The following SRBD1 variants were observed in gnomAD, a reference collection of about 807,000 sequenced individuals.
SRBD1 encodes S1 RNA binding domain 1, also known as S1 RNA-binding domain-containing protein 1.
A neutral mutation model predicts 115.3 loss-of-function variants in SRBD1; 88 were observed. The observed-to-expected ratio is 0.76, with a 90% CI of 0.64 to 0.91. The LOEUF is 0.91. SRBD1 is among the 40% of genes least tolerant of loss of function. The pLI is 0.00. For missense variants in SRBD1, 1,385 were observed against 1,177.4 expected, an observed-to-expected ratio of 1.18 and a Z score of -2.58; for synonymous variants, 509 against 407.7, an observed-to-expected ratio of 1.25 and a Z score of -2.99.
chr2:45,399,381 C>T (rs912696355), intron 19 of SRBD1, among the ~76,000 whole-genome samples: 4 of 152,082 alleles, frequency 2.6e-5, no homozygotes, highest in Non-Finnish European at 4.4e-5. Flanking sequence ...TAGTCTTCCG[C>T]TTGTATCTGC....
chr2:45,607,659 A>G (rs1353586430), intron 1 of SRBD1, among the ~76,000 whole-genome samples: 3 of 152,208 alleles, frequency 2.0e-5, no homozygotes, highest in Non-Finnish European at 4.4e-5. Context: ...GCAGTAGCTG[A>G]TACCTTTGGA....
chr2:45,420,187 T>C (rs1019167284), intron 16 of SRBD1, among the ~76,000 whole-genome samples: 1 of 152,242 alleles, frequency 6.6e-6, no homozygotes, highest in Non-Finnish European at 1.5e-5. Context: ...TAAAATCACC[T>C]GTATGGCTTG....
At chr2:45,458,531 T>C (rs1669219735) in intron 16 of SRBD1, among the ~76,000 whole-genome samples, 1 of 152,160 alleles carries the variant, frequency 6.6e-6, no homozygotes, top group Non-Finnish European at 1.5e-5. Flanking sequence ...GACAACTTTA[T>C]TTCCTTTCAC....
chr2:45,487,569 C>A (rs1276507433), intron 15 of SRBD1, among the ~76,000 whole-genome samples: 1 of 152,032 alleles, frequency 6.6e-6, no homozygotes, highest in Admixed American at 6.6e-5. Flanking sequence ...TTTTATGTTA[C>A]TGTATTACTT....
At chr2:45,420,608 A>G (rs1183801059) in intron 16 of SRBD1, among the ~76,000 whole-genome samples, 1 of 152,356 alleles carries the variant, frequency 6.6e-6, no homozygotes, top group Non-Finnish European at 1.5e-5. Flanking sequence ...AGAAAATATA[A>G]GCAATCTAAA....
At chr2:45,558,686 T>A (rs900325516) in intron 10 of SRBD1, among the ~76,000 whole-genome samples, 27 of 71,254 alleles carry the variant, frequency 3.8e-4, no homozygotes, top group Non-Finnish European at 1.8e-4. Flanking sequence ...CACACAATTA[T>A]TTTTTTTTTT....
intron 15 of SRBD1, among the ~76,000 whole-genome samples, chr2:45,485,816 C>T (rs948812492): frequency 6.6e-6 from 1 of 151,990 alleles, no homozygotes; most frequent in Non-Finnish European, 1.5e-5. Flanking sequence ...GCATCAATCA[C>T]CAGGAAAAAG....
At chr2:45,421,035 A>T (rs1448326153) in intron 16 of SRBD1, among the ~76,000 whole-genome samples, 6 of 152,186 alleles carry the variant, frequency 3.9e-5, no homozygotes. Flanking sequence ...AAAGGTCCTT[A>T]AATGGTTTAT....
intron 14 of SRBD1, among the ~76,000 whole-genome samples, chr2:45,512,887 GA>G (rs35902457): frequency 1.3e-5 from 2 of 151,474 alleles, no homozygotes; most frequent in African/African-American, 2.4e-5. Context: ...TTCTGTTAGA[GA>G]AAAAAAAGGT....
At chr2:45,455,280 GAAA>G (rs1346592849) in intron 16 of SRBD1, among the ~76,000 whole-genome samples, 1 of 151,822 alleles carries the variant, frequency 6.6e-6, no homozygotes, top group Non-Finnish European at 1.5e-5. Flanking sequence ...GTTCATTTCA[GAAA>G]GAAGGCAGAA....
chr2:45,537,947 G>C (rs923484349), intron 14 of SRBD1, among the ~76,000 whole-genome samples: 4 of 152,220 alleles, frequency 2.6e-5, no homozygotes, highest in Non-Finnish European at 5.9e-5. Context: ...TTAAAAGGGA[G>C]ACAGCTGTGC....
chr2:45,442,036 A>G (rs72803993), intron 16 of SRBD1, among the ~76,000 whole-genome samples: 320 of 152,274 alleles, frequency 2.1e-3, no homozygotes, highest in Middle Eastern at 6.8e-3. Context: ...TTTCCTGGGA[A>G]CTCAAAACTT....
At chr2:45,498,466 T>C (rs1670527855) in intron 14 of SRBD1, among the ~76,000 whole-genome samples, 1 of 152,204 alleles carries the variant, frequency 6.6e-6, no homozygotes. Context: ...TAATTTGATA[T>C]CTGTATATAA....
At chr2:45,610,654 C>T (rs534828505) in intron 1 of SRBD1, among the ~76,000 whole-genome samples, 45 of 152,320 alleles carry the variant, frequency 3.0e-4, no homozygotes, top group African/African-American at 9.1e-4. Flanking sequence ...GGTTACTGAG[C>T]GCCTCCTACA....
At position 45,488,232 on chromosome 2, in the gene SRBD1, T is replaced by G; in HGVS notation, c.1966+8A>C. The G allele has an allele frequency of 1.2e-6, 2 of 1,612,632 alleles. No homozygotes were observed. The highest frequency in any genetic ancestry group is 8.5e-7 in the Non-Finnish European group (1 of 1,178,840). ...CACATGTTTTTGTGATGGTCCATAG[T>G]TTCTTACCTGCACTTCTCAAATTAG... On this transcript the variant is annotated splice_region_variant and intron_variant, in intron 15 of 20. Transcript: ENST00000263736.
chr2:45,413,149 A>T lies in SRBD1; in HGVS notation c.2478T>A (p.Thr826=). ...TGTCATATGATTCTGGATGAATACA[A>T]GTTTGGTCCAAAGGATTTGGCTTCA... ...VLLKPNPLDQ[T]CIHPESYDIA... Residue 826 remains threonine, a synonymous_variant, in exon 19 of 21, where the codon ACT becomes ACA. Coordinates refer to ENST00000263736, the MANE Select transcript of SRBD1 (RefSeq NM_018079.5). 2 of 1,614,052 alleles carry T rather than the reference A, an allele frequency of 1.2e-6. No individual in the cohort carries two copies. The highest frequency in any genetic ancestry group is 8.5e-7 in the Non-Finnish European group (1 of 1,179,968).
intron 15 of SRBD1, among the ~76,000 whole-genome samples, chr2:45,480,846 A>G (rs1314381022): frequency 6.6e-6 from 1 of 152,142 alleles, no homozygotes; most frequent in East Asian, 1.9e-4. Context: ...AATGGATAAT[A>G]TGGACTTCAA....
chr2:45,399,494 G>C (rs1003195170), intron 19 of SRBD1, among the ~76,000 whole-genome samples: 1 of 152,062 alleles, frequency 6.6e-6, no homozygotes, highest in Non-Finnish European at 1.5e-5. Context: ...TGTGAATGTA[G>C]ATTTGCTGAT....
intron 3 of SRBD1, among the ~76,000 whole-genome samples, chr2:45,601,649 G>A (rs973585313): frequency 2.0e-5 from 3 of 152,180 alleles, no homozygotes; most frequent in Non-Finnish European, 4.4e-5. Flanking sequence ...CCTGGCTAAT[G>A]GTAAGCACTC....
Sources: allele counts gnomAD v4.1 joint callset (sites outside exome capture counted in the v4.1 genomes callset), GRCh38; gene constraint gnomAD v4.1.1; transcripts MANE v1.5; gene names NCBI Gene and HGNC (gene_info 2026-07-23, HGNC 2026-07-21).